Variants in PVT1 observed in about 807,000 individuals in gnomAD.
PVT1 encodes Pvt1 oncogene.
At chr8:128,092,694 T>A (rs1410074818) in intron 5 of PVT1, among the ~76,000 whole-genome samples, 1 of 152,182 alleles carries the variant, frequency 6.6e-6, no homozygotes, top group East Asian at 1.9e-4. Flanking sequence ...CAGCCAAGTG[T>A]GGGAGAGCTG....
chr8:128,076,966 G>T (rs2130144131), intron 5 of PVT1, among the ~76,000 whole-genome samples: 1 of 152,316 alleles, frequency 6.6e-6, no homozygotes, highest in Admixed American at 6.5e-5. Context: ...CTGAGGCTTT[G>T]TGGTGGATCC....
At chr8:127,829,031 C>T (rs577246451) in intron 2 of PVT1, among the ~76,000 whole-genome samples, 1 of 152,212 alleles carries the variant, frequency 6.6e-6, no homozygotes, top group East Asian at 1.9e-4. Context: ...CGGTGGCTCA[C>T]GTCTGTAATC....
chr8:127,941,169 G>C (rs560048396), intron 3 of PVT1, among the ~76,000 whole-genome samples: 1 of 152,196 alleles, frequency 6.6e-6, no homozygotes, highest in African/African-American at 2.4e-5. Context: ...GGTGGGTCCA[G>C]TTCCTTTTAG....
intron 2 of PVT1, among the ~76,000 whole-genome samples, chr8:127,810,854 T>A (rs964949786): frequency 4.6e-5 from 7 of 152,134 alleles, no homozygotes; most frequent in African/African-American, 1.4e-4. Context: ...CCAGGAAGCA[T>A]TCCCTCATCT....
At chr8:127,888,751 G>T (rs1815558133) in intron 2 of PVT1, among the ~76,000 whole-genome samples, 1 of 152,184 alleles carries the variant, frequency 6.6e-6, no homozygotes, top group Non-Finnish European at 1.5e-5. Flanking sequence ...GCTTGGAAAA[G>T]CAAGGAAACA....
At chr8:127,817,808 C>G (rs28617188) in intron 2 of PVT1, among the ~76,000 whole-genome samples, 66,659 of 151,354 alleles carry the variant, frequency 0.44, 15,136 homozygotes, top group African/African-American at 0.54. Flanking sequence ...GGGAGAATTG[C>G]TTGAGCCTGG....
Position 128,017,183 on chromosome 8 carries a change from C to T in PVT1, n.912+27892C>T, listed in dbSNP as rs72720866. Among the ~76,000 whole-genome samples the T allele has an allele frequency of 5.6e-3, 854 of 152,244 alleles. 16 individuals carry two copies. In the East Asian group the frequency reaches 0.072, roughly 13 times the overall value. On this transcript the variant is annotated intron_variant and non_coding_transcript_variant, in intron 4 of 10. Coordinates refer to ENST00000651587, the Ensembl canonical transcript of PVT1. ...TAGAAATCCAGTGGACCTCAAATCC[C>T]GACATTTCTAACCTGAATTAAATTC...
chr8:127,889,929 A>G (rs2129802026), intron 2 of PVT1, among the ~76,000 whole-genome samples: 1 of 152,312 alleles, frequency 6.6e-6, no homozygotes, highest in South Asian at 2.1e-4. Context: ...TTGTGGATCA[A>G]TTTGTTCTTC....
intron 3 of PVT1, among the ~76,000 whole-genome samples, chr8:127,943,661 T>C (rs748235721): frequency 6.6e-6 from 1 of 152,118 alleles, no homozygotes; most frequent in Non-Finnish European, 1.5e-5. Flanking sequence ...CACATGTTCT[T>C]TTGTGGTGGT....
At chr8:128,054,023 G>A (rs977497436) in intron 4 of PVT1, among the ~76,000 whole-genome samples, 4 of 152,240 alleles carry the variant, frequency 2.6e-5, no homozygotes, top group African/African-American at 9.6e-5. Flanking sequence ...AATCCAGTGT[G>A]AGTGATAACC....
chr8:127,798,314 A>AG lies in PVT1; in HGVS notation n.372+2243_372+2244insG, dbSNP rs536797460. 2.7e-3 allele frequency among the ~76,000 whole-genome samples: 409 copies of AG among 151,302 alleles called. 2 individuals carry two copies. Among genetic ancestry groups the AG allele is most frequent in the African/African-American group, 9.4e-3 (388 of 41,378 alleles). The stretch of plus-strand genomic sequence containing the variant: ...AGCAAAACTCAGTCTCAAAAAAAAA[A>AG]CAACAAGAAAAGGGTATACCCCTTG... On this transcript the variant is annotated intron_variant and non_coding_transcript_variant, in intron 2 of 10. Coordinates refer to ENST00000651587, the Ensembl canonical transcript of PVT1.
intron 2 of PVT1, among the ~76,000 whole-genome samples, chr8:127,875,558 T>A (rs1424762432): frequency 6.6e-6 from 1 of 152,190 alleles, no homozygotes; most frequent in African/African-American, 2.4e-5. Context: ...AATAATTTAT[T>A]TTCCTTGTTT....
chr8:128,050,320 A>G (rs1813674294), intron 4 of PVT1, among the ~76,000 whole-genome samples: 1 of 152,102 alleles, frequency 6.6e-6, no homozygotes, highest in African/African-American at 2.4e-5. Context: ...CAAATTCTGA[A>G]AGCACAGTTC....
chr8:127,806,556 A>C (rs1357282934), intron 2 of PVT1, among the ~76,000 whole-genome samples: 8 of 152,214 alleles, frequency 5.3e-5, no homozygotes, highest in African/African-American at 1.9e-4. Flanking sequence ...TCTAGTCAGT[A>C]AAATTCATCC....
intron 4 of PVT1, among the ~76,000 whole-genome samples, chr8:128,033,487 A>T (rs1370693384): frequency 6.6e-6 from 1 of 152,228 alleles, no homozygotes. Context: ...GCAGGTTGCT[A>T]TCGCCACAGG....
chr8:127,796,494 C>T (rs1252142393), intron 2 of PVT1, among the ~76,000 whole-genome samples: 5 of 152,112 alleles, frequency 3.3e-5, no homozygotes, highest in Admixed American at 2.6e-4. Context: ...TTTCCGCCTC[C>T]TGAGCGGTAG....
chr8:127,978,296 G>A (rs1329797167), intron 3 of PVT1, among the ~76,000 whole-genome samples: 1 of 151,686 alleles, frequency 6.6e-6, no homozygotes, highest in African/African-American at 2.4e-5. Flanking sequence ...GGGATTATAG[G>A]TGTGTACCAC....
At chr8:128,061,515 A>G (rs1813830400) in intron 4 of PVT1, among the ~76,000 whole-genome samples, 2 of 152,182 alleles carry the variant, frequency 1.3e-5, no homozygotes, top group Non-Finnish European at 2.9e-5. Flanking sequence ...GGGCATGTGT[A>G]TACCTAGGAG....
At chr8:127,960,753 G>C (rs1196871099) in intron 3 of PVT1, 1 of 473,854 alleles carries the variant, frequency 2.1e-6, no homozygotes, top group East Asian at 5.9e-5. Context: ...TTTTTTGTGG[G>C]GAGAGAGTAT....
Sources: allele counts gnomAD v4.1 joint callset (sites outside exome capture counted in the v4.1 genomes callset), GRCh38; gene constraint gnomAD v4.1.1; transcripts MANE v1.5; gene names NCBI Gene and HGNC (gene_info 2026-07-23, HGNC 2026-07-21).